PIEZO2: variants seen among roughly 807,000 people sequenced by gnomAD.
PIEZO2 encodes the protein piezo type mechanosensitive ion channel component 2.
PIEZO2 carries 172 observed loss-of-function variants against 337.3 expected under a neutral mutation model. That is an observed-to-expected ratio of 0.51 (90% CI 0.45 to 0.58). PIEZO2 has a LOEUF of 0.58. Ranked by LOEUF, PIEZO2 falls within the 20% of genes least tolerant of loss-of-function variation. PIEZO2 has a pLI of 0.00. For synonymous variants in PIEZO2, 1,251 were observed against 1,228.5 expected (o/e 1.02, Z -0.38); for missense variants, 3,028 against 3,391.3 (o/e 0.89, Z 2.66).
intron 20 of PIEZO2, 59 bp from the exon 21 acceptor site, chr18:10,770,367 G>C: frequency 6.9e-7 from 1 of 1,445,796 alleles, no homozygotes; most frequent in East Asian, 2.5e-5. Context: ...ATCATTTAAA[G>C]CATATCTTGT....
chr18:10,997,357 A>T (rs1363452943), intron 2 of PIEZO2, among the ~76,000 whole-genome samples: 2 of 152,224 alleles, frequency 1.3e-5, no homozygotes, highest in Non-Finnish European at 2.9e-5. Flanking sequence ...CAAGGATATA[A>T]TCCCAAATTA....
Position 10,775,151 on chromosome 18 carries a change from G to A in PIEZO2, c.2535-1113C>T, listed in dbSNP as rs1310457156. On this transcript the variant is annotated intron_variant, in intron 18 of 55. Transcript: ENST00000674853. This position sits in a 1 kb window ranked among gnomAD's most constrained non-coding sequence, Gnocchi z 4.3. ...TTAATGAAGAGAGAGAATCTGAAGC[G>A]AGTTTTACATTGGTGGAAGGAGTTA... Among the ~76,000 whole-genome samples the A allele has an allele frequency of 2.0e-5, 3 of 152,178 alleles. No homozygotes were observed. The highest frequency in any genetic ancestry group is 7.2e-5 in the African/African-American group (3 of 41,432).
chr18:10,998,743 G>T (rs2035425569), intron 2 of PIEZO2, among the ~76,000 whole-genome samples: 1 of 151,044 alleles, frequency 6.6e-6, no homozygotes, highest in East Asian at 1.9e-4. Flanking sequence ...GAATAAATTT[G>T]ATGTTAATAT....
intron 49 of PIEZO2, among the ~76,000 whole-genome samples, chr18:10,687,817 T>A (rs1039527876): frequency 1.3e-5 from 2 of 152,172 alleles, no homozygotes; most frequent in Admixed American, 6.5e-5. Flanking sequence ...AAGAGCCAGA[T>A]GCAACCTGCA....
chr18:11,040,316 C>CT (rs1457450117), intron 2 of PIEZO2, among the ~76,000 whole-genome samples: 5 of 152,090 alleles, frequency 3.3e-5, no homozygotes. Context: ...TTTTGAACTC[C>CT]TTGAGTTTAG....
Position 10,789,067 on chromosome 18 carries a change from C to G in PIEZO2, c.2169+12G>C, listed in dbSNP as rs897195569. Reference sequence around the variant, plus strand: ...GAGATGTGAGAATTAAAATGGTCAACTGTGTACCTACCTGGTATAGGGCCA... The same window carrying G: ...GAGATGTGAGAATTAAAATGGTCAAGTGTGTACCTACCTGGTATAGGGCCA... On this transcript the variant is annotated intron_variant, in intron 15 of 55. Transcript: ENST00000674853. 2.0e-6 allele frequency: 3 copies of G among 1,532,790 alleles called. No individual in the cohort carries two copies. In the African/African-American group the frequency reaches 4.1e-5, roughly 21 times the overall value. 94.9% of individuals were successfully genotyped at this position (1,532,790 alleles called of 1,614,324 possible).
intron 3 of PIEZO2, among the ~76,000 whole-genome samples, chr18:10,947,099 T>C (rs1364911116): frequency 6.6e-6 from 1 of 151,936 alleles, no homozygotes; most frequent in African/African-American, 2.4e-5. Context: ...AAAGTTATAA[T>C]AGTAAAACTG....
rs2038703618 is a variant in PIEZO2 at position 10,774,130 on chromosome 18, T to C, written c.2535-92A>G. 5 of 689,806 alleles carry C rather than the reference T, an allele frequency of 7.2e-6. No individual in the cohort carries two copies. The East Asian group carries it at 1.3e-4, about 19-fold the overall frequency. 42.7% of individuals were successfully genotyped at this position (689,806 alleles called of 1,614,324 possible). A position where few individuals can be genotyped will look rare whatever the true frequency, so the allele number is the denominator to read the frequency against. On this transcript the variant is annotated intron_variant, in intron 18 of 55. Coordinates refer to ENST00000674853, the MANE Select transcript of PIEZO2 (RefSeq NM_001378183.1). ...CAGAGATCACATATCATGCTACATA[T>C]CATCCACTATTGCATTCCTGTATGC... is the stretch of plus-strand genomic sequence containing the variant.
chr18:10,698,776 C>T (rs2035208867), intron 44 of PIEZO2, 149 bp downstream of exon 44: 1 of 1,068,280 alleles, frequency 9.4e-7, no homozygotes, highest in South Asian at 1.7e-5. Flanking sequence ...ACTCGGGTTT[C>T]TCTGATTTCA....
In PIEZO2 at chr18:10,895,660, C is replaced by T. The variant is rs1296395821; in HGVS notation, c.329+15526G>A. On this transcript the variant is annotated intron_variant, in intron 4 of 55. Transcript: ENST00000674853. The surrounding 1 kb of genome is among the most constrained non-coding windows in gnomAD (Gnocchi z 4.8). Reference sequence around the variant, plus strand: ...CATTGGAGTGATCCTCAGTTTAACACCTGGGAAATGGGGCGCTCCCTCTGA... The same window carrying T: ...CATTGGAGTGATCCTCAGTTTAACATCTGGGAAATGGGGCGCTCCCTCTGA... Among the ~76,000 whole-genome samples, 1 of 152,062 alleles carries T rather than the reference C, an allele frequency of 6.6e-6. No homozygotes were observed. Among genetic ancestry groups the T allele is most frequent in the Non-Finnish European group, 1.5e-5 (1 of 68,012 alleles).
rs1430096634 is a variant in PIEZO2, at chr18:10,993,013, G to T, written c.161-13353C>A. On this transcript the variant is annotated intron_variant, in intron 2 of 55. Transcript: ENST00000674853. The surrounding 1 kb of genome is among the most constrained non-coding windows in gnomAD (Gnocchi z 5.0). ...CAGTTGTGAATGTGAATTCATTCAT[G>T]ATTTGGCTGTTTGTCTGTTATTGGT... Among the ~76,000 whole-genome samples the T allele has an allele frequency of 6.6e-6, 1 of 152,144 alleles. No homozygotes were observed. Among genetic ancestry groups the T allele is most frequent in the Non-Finnish European group, 1.5e-5 (1 of 68,018 alleles).
rs1344103526 is a variant in PIEZO2, at chr18:11,000,552, C to G, written c.161-20892G>C. 2.6e-5 allele frequency among the ~76,000 whole-genome samples: 4 copies of G among 152,150 alleles called. No individual in the cohort carries two copies. In the East Asian group the frequency reaches 7.7e-4, roughly 29 times the overall value. On this transcript the variant is annotated intron_variant, in intron 2 of 55. Coordinates refer to ENST00000674853, the MANE Select transcript of PIEZO2 (RefSeq NM_001378183.1). ...GGGACCTGCCAGCATCACCAGTCGC[C>G]ACTCCTTTCCTCCTTCTAAATGCAT...
rs915063377 is a variant in PIEZO2 at position 10,940,691 on chromosome 18, A to G, written c.287-29463T>C. ...ATCCTAGCCAACATGGTGAAACCCT[A>G]TCTCTACTAAAAAGACAAAAATTAG... On this transcript the variant is annotated intron_variant, in intron 3 of 55. Coordinates refer to ENST00000674853, the MANE Select transcript of PIEZO2 (RefSeq NM_001378183.1). The surrounding 1 kb of genome is among the most constrained non-coding windows in gnomAD (Gnocchi z 5.3). 6.6e-6 allele frequency among the ~76,000 whole-genome samples: 1 copy of G among 152,114 alleles called. No individual in the cohort carries two copies. The highest frequency in any genetic ancestry group is 1.5e-5 in the Non-Finnish European group (1 of 68,008).
intron 3 of PIEZO2, among the ~76,000 whole-genome samples, chr18:10,918,471 C>G (rs779097711): frequency 5.9e-5 from 9 of 151,786 alleles, no homozygotes; most frequent in Non-Finnish European, 8.8e-5. Flanking sequence ...TTTATCAGTT[C>G]TTTTCATAAT....
In PIEZO2 at chr18:10,748,478, C is replaced by T. The variant is rs768547190; in HGVS notation, c.4417G>A (p.Ala1473Thr). 6.5e-7 allele frequency: 1 copy of T among 1,536,888 alleles called. No individual in the cohort carries two copies. The highest frequency in any genetic ancestry group is 1.2e-5 in the South Asian group (1 of 83,988). ...TTTCATGGCCTGACCCACCTTGATG[C>T]CAGAATCTGGGAAGCTTTTATATCA... ...VADIKASQILASRGAELFQAT... is the reference protein window; with the variant it reads ...VADIKASQILTSRGAELFQAT... Residue 1473 changes from alanine to threonine, a missense_variant, in exon 30 of 56, where the codon GCA (alanine) becomes ACA (threonine). Transcript: ENST00000674853. This position sits in a 1 kb window ranked among gnomAD's most constrained non-coding sequence, Gnocchi z 5.1.
In PIEZO2 at chr18:10,823,407, G is replaced by C. The variant is rs150619512; in HGVS notation, c.918-16133C>G. 3.1e-3 allele frequency among the ~76,000 whole-genome samples: 477 copies of C among 152,270 alleles called. 3 individuals are homozygous for C. The highest frequency in any genetic ancestry group is 0.011 in the African/African-American group (451 of 41,556). ...TTAAATTGTCCACTCAACAACGGGA[G>C]TATTTAAAAGAATCACTACATATAG... On this transcript the variant is annotated intron_variant, in intron 7 of 55. Coordinates refer to ENST00000674853, the MANE Select transcript of PIEZO2 (RefSeq NM_001378183.1).
chr18:10,771,463 G>A (rs766243824), intron 20 of PIEZO2, among the ~76,000 whole-genome samples: 9 of 152,234 alleles, frequency 5.9e-5, no homozygotes, highest in Non-Finnish European at 1.2e-4. Flanking sequence ...GGACTGTTTT[G>A]TAATATCAGC....
chr18:10,914,411 T>C (rs1376578388), intron 3 of PIEZO2, among the ~76,000 whole-genome samples: 1 of 152,098 alleles, frequency 6.6e-6, no homozygotes, highest in East Asian at 1.9e-4. Context: ...TCTGCAGGTG[T>C]TCATGTCCCT....
intron 3 of PIEZO2, among the ~76,000 whole-genome samples, chr18:10,970,798 C>T (rs2034207004): frequency 6.6e-6 from 1 of 151,880 alleles, no homozygotes; most frequent in African/African-American, 2.4e-5. Context: ...AGAAATTTTG[C>T]CCTATTACGG....
Sources: allele counts gnomAD v4.1 joint callset (sites outside exome capture counted in the v4.1 genomes callset), GRCh38; gene constraint gnomAD v4.1.1; non-coding constraint Gnocchi (gnomAD v3.1); transcripts MANE v1.5; gene names NCBI Gene and HGNC (gene_info 2026-07-23, HGNC 2026-07-21).